Variants in ZNF577 observed in about 807,000 individuals in gnomAD.
ZNF577 encodes the protein zinc finger protein 577.
ZNF577 carries 14 observed loss-of-function variants against 13.9 expected under a neutral mutation model. The ratio of observed to expected loss-of-function variants is 1.00; its 90% CI spans 0.66 to 1.57. The LOEUF (loss-of-function observed/expected upper bound fraction) is 1.57, where lower values mean the gene tolerates loss of function less well. ZNF577 is among the 40% of genes most tolerant of loss of function. The pLI is 0.00. For synonymous variants in ZNF577, 203 were observed against 202.9 expected (o/e 1.00, Z 0.00); for missense variants, 555 against 579.2 (o/e 0.96, Z 0.43).
chr19:51,821,636 C>T (rs1290100773), intron 9 of ZNF577, among the ~76,000 whole-genome samples: 4 of 152,148 alleles, frequency 2.6e-5, no homozygotes, highest in African/African-American at 7.2e-5. Flanking sequence ...AACCATGATA[C>T]TAGGGTATGA....
intron 9 of ZNF577, among the ~76,000 whole-genome samples, chr19:51,835,016 A>G (rs1401396023): frequency 1.3e-5 from 2 of 152,212 alleles, no homozygotes; most frequent in African/African-American, 4.8e-5. Flanking sequence ...CTAAGTTTAC[A>G]TTTCAAGAAG....
At chr19:51,820,823 G>A (rs911998612) in intron 9 of ZNF577, among the ~76,000 whole-genome samples, 1 of 152,118 alleles carries the variant, frequency 6.6e-6, no homozygotes, top group Admixed American at 6.5e-5. Context: ...GTGTACAATG[G>A]TTATACTAAT....
At chr19:51,834,963 C>G (rs766635924) in intron 9 of ZNF577, among the ~76,000 whole-genome samples, 1 of 152,128 alleles carries the variant, frequency 6.6e-6, no homozygotes, top group Non-Finnish European at 1.5e-5. Context: ...GAATTTTTAC[C>G]TTAAGTGTTT....
At chr19:51,865,311 G>A (rs142220104), downstream of ZNF577, among the ~76,000 whole-genome samples, 1,343 of 152,232 alleles carry the variant, frequency 8.8e-3, 17 homozygotes, top group African/African-American at 0.03. Context: ...TGGCCAGGCT[G>A]GTCTTGAACT....
At chr19:51,817,779 T>C (rs545255077) in intron 9 of ZNF577, 1 of 152,318 alleles carries the variant, frequency 6.6e-6, no homozygotes, top group Non-Finnish European at 1.5e-5. Context: ...TCCTTGGAGC[T>C]TGTGTTGCTC....
At chr19:51,828,649 T>C (rs913778836) in intron 9 of ZNF577, among the ~76,000 whole-genome samples, 12 of 152,218 alleles carry the variant, frequency 7.9e-5, no homozygotes, top group Admixed American at 3.3e-4. Context: ...ACTGAGATTT[T>C]TTTTTTAAAG....
In ZNF577 at chr19:51,877,372, G is replaced by A. The variant is rs149543099; in HGVS notation, c.193C>T (p.Arg65Ter). Reference protein sequence around the residue: ...NYINLVSIGYRGTKPDSLFKL... With the variant: ...NYINLVSIGY ...AAGAGCGAATCTGGCTTGGTGCCTC[G>A]ATACCCTGTAAATGGGAGATCACTG... The change falls in exon 5 of 6, where the codon CGA becomes TGA. Residue 65 changes from arginine (R) to a stop codon, truncating the protein, a stop_gained. Coordinates refer to ENST00000638348, the MANE Select transcript of ZNF577 (RefSeq NM_001370449.1). LOFTEE classifies it high-confidence loss of function. The A allele has an allele frequency of 1.1e-3, 1,785 of 1,613,732 alleles. 12 individuals are homozygous for A. The East Asian group carries it at 0.015, about 13-fold the overall frequency.
chr19:51,858,827 TA>T (rs1354063539), intron 5 of ZNF577, among the ~76,000 whole-genome samples: 40 of 152,370 alleles, frequency 2.6e-4, no homozygotes, highest in African/African-American at 8.4e-4. Context: ...TTTTTCTTTT[TA>T]AATATATTTT....
intron 3 of ZNF577, chr19:51,878,823 C>A: frequency 8.4e-6 from 2 of 236,914 alleles, no homozygotes; most frequent in East Asian, 1.7e-4. Flanking sequence ...CACCTCCATG[C>A]TATAATATAC....
intron 9 of ZNF577, among the ~76,000 whole-genome samples, chr19:51,834,524 C>T (rs1462939555): frequency 6.6e-6 from 1 of 152,076 alleles, no homozygotes; most frequent in African/African-American, 2.4e-5. Flanking sequence ...CCAGCAATAA[C>T]AACATAACTA....
chr19:51,825,821 G>A (rs1225799609), intron 9 of ZNF577: 2 of 167,100 alleles, frequency 1.2e-5, no homozygotes, highest in Non-Finnish European at 1.5e-5. Flanking sequence ...TATATCCTGA[G>A]ACTAAGTGGA....
chr19:51,805,173 T>G (rs1029400350), exon 11 of ZNF577: 1 of 152,222 alleles, frequency 6.6e-6, no homozygotes, highest in Non-Finnish European at 1.5e-5. Context: ...CATATCCCCC[T>G]GTTTATGAAT....
At chr19:51,875,363 CAAA>C (rs538987406) in intron 5 of ZNF577, among the ~76,000 whole-genome samples, 981 of 63,728 alleles carry the variant, frequency 0.015, 11 homozygotes, top group African/African-American at 0.042. Flanking sequence ...AACTCTGTCA[CAAA>C]AAAAAAAAAA....
Position 51,873,602 on chromosome 19 carries a change from C to T in ZNF577, c.388G>A (p.Val130Ile), listed in dbSNP as rs564745517. Residue 130 changes from valine (V) to isoleucine (I), a missense_variant, in exon 6 of 6, where the codon GTT becomes ATT. Val to Ile is a conservative substitution (Grantham distance 29). Transcript: ENST00000638348. ...HIKRDKTLTG[V>I]KYHRCVKPSS... ...GGTTTAACACATCTATGGTATTTAA[C>T]TCCAGTAAGAGTTTTGTCACGCTTG... The T allele has an allele frequency of 5.5e-5, 88 of 1,614,188 alleles. 2 individuals carry two copies. The South Asian group carries it at 8.8e-4, about 16-fold the overall frequency.
chr19:51,875,896 C>T (rs1247496825), intron 5 of ZNF577, among the ~76,000 whole-genome samples: 2 of 152,196 alleles, frequency 1.3e-5, no homozygotes, highest in African/African-American at 4.8e-5. Flanking sequence ...GTGTTCAAAA[C>T]AATAAAAATT....
chr19:51,806,780 C>G (rs963624757), intron 10 of ZNF577, among the ~76,000 whole-genome samples: 3 of 152,202 alleles, frequency 2.0e-5, no homozygotes, highest in African/African-American at 7.2e-5. Flanking sequence ...TTGGCATGTA[C>G]CATGCAGCAT....
chr19:51,874,894 G>C (rs577492281), intron 5 of ZNF577, among the ~76,000 whole-genome samples: 5 of 152,302 alleles, frequency 3.3e-5, no homozygotes, highest in African/African-American at 1.2e-4. Context: ...GTTCCCAGCA[G>C]AAAAGCGAAG....
intron 5 of ZNF577, among the ~76,000 whole-genome samples, chr19:51,876,070 CTA>C (rs1435768434): frequency 1.3e-5 from 2 of 152,312 alleles, no homozygotes; most frequent in East Asian, 3.9e-4. Context: ...ATCACAGTTT[CTA>C]ACCCTGAAGC....
chr19:51,811,574 C>G (rs1231395625), exon 10 of ZNF577: 1 of 152,192 alleles, frequency 6.6e-6, no homozygotes, highest in Non-Finnish European at 1.5e-5. Flanking sequence ...TCCTCATAGT[C>G]CCGTGTTCAG....
Sources: gnomAD v4.1 joint callset for allele counts (sites outside exome capture counted in the v4.1 genomes callset) on GRCh38, gnomAD v4.1.1 for gene constraint, MANE v1.5 for transcripts, NCBI Gene and HGNC (gene_info 2026-07-23, HGNC 2026-07-21) for gene names.